Variants in CTNNA3 observed in about 807,000 individuals in gnomAD.
The protein encoded by CTNNA3 is catenin alpha-3.
In CTNNA3, 76 loss-of-function variants were observed where a neutral mutation model predicts 95.7. The ratio of observed to expected loss-of-function variants is 0.79; its 90% CI spans 0.66 to 0.96. CTNNA3 has a LOEUF of 0.96. Among genes scored for constraint, CTNNA3 ranks in the 40% least tolerant of loss-of-function variants. The pLI is 0.00. For synonymous variants in CTNNA3, 431 were observed against 374.4 expected, an observed-to-expected ratio of 1.15 and a Z score of -1.74; for missense variants, 1,191 against 1,089.8, an observed-to-expected ratio of 1.09 and a Z score of -1.31.
Position 66,744,207 on chromosome 10 carries a change from C to A in CTNNA3, c.1281+22057G>T, listed in dbSNP as rs1237292174. Among the ~76,000 whole-genome samples the A allele has an allele frequency of 4.6e-5, 7 of 152,126 alleles. No homozygotes were observed. The East Asian group carries it at 9.7e-4, about 21-fold the overall frequency. On this transcript the variant is annotated intron_variant, in intron 9 of 17. Transcript: ENST00000433211. ...AGGTTTTACAAATAATCTTCATGCACCAAGAACTGATATGATCAATTTGTT... is the reference window on the plus strand; with the variant it reads ...AGGTTTTACAAATAATCTTCATGCAACAAGAACTGATATGATCAATTTGTT...
intron 12 of CTNNA3, among the ~76,000 whole-genome samples, chr10:66,290,268 G>A (rs1373204135): frequency 6.6e-6 from 1 of 151,944 alleles, no homozygotes; most frequent in African/African-American, 2.4e-5. Context: ...GCCAACAGGA[G>A]CCACATAATC....
intron 9 of CTNNA3, among the ~76,000 whole-genome samples, chr10:66,737,314 C>T (rs1429852818): frequency 6.6e-6 from 1 of 152,074 alleles, no homozygotes; most frequent in Non-Finnish European, 1.5e-5. Flanking sequence ...TTAACATTTG[C>T]AAAATATTCC....
intron 1 of CTNNA3, among the ~76,000 whole-genome samples, chr10:67,655,738 T>C (rs2133505763): frequency 6.9e-6 from 1 of 144,886 alleles, no homozygotes; most frequent in East Asian, 2.0e-4. Flanking sequence ...GAGGCTGCAG[T>C]GAGCCAAGAT....
intron 5 of CTNNA3, among the ~76,000 whole-genome samples, chr10:67,498,382 T>C (rs896465410): frequency 1.3e-5 from 2 of 152,220 alleles, no homozygotes; most frequent in African/African-American, 4.8e-5. Context: ...CTTCCAGCTT[T>C]GTTCTTTTTG....
At chr10:67,002,213 T>C (rs1054342697) in intron 7 of CTNNA3, among the ~76,000 whole-genome samples, 1 of 152,132 alleles carries the variant, frequency 6.6e-6, no homozygotes, top group African/African-American at 2.4e-5. Context: ...AATGGGAAGC[T>C]TTTTCAAAAC....
At chr10:65,967,450 A>T (rs532302556) in intron 16 of CTNNA3, among the ~76,000 whole-genome samples, 1 of 152,160 alleles carries the variant, frequency 6.6e-6, no homozygotes, top group Non-Finnish European at 1.5e-5. Flanking sequence ...CTTGAGACTC[A>T]TGGTCTCTAC....
chr10:67,450,917 A>AGATG (rs1846955550), intron 5 of CTNNA3, among the ~76,000 whole-genome samples: 1 of 152,108 alleles, frequency 6.6e-6, no homozygotes, highest in Admixed American at 6.6e-5. Flanking sequence ...ATATATCTAT[A>AGATG]GATGGCCTTT....
chr10:66,351,805 C>A (rs2092569030), intron 12 of CTNNA3, among the ~76,000 whole-genome samples: 2 of 151,812 alleles, frequency 1.3e-5, no homozygotes, highest in Admixed American at 1.3e-4. Flanking sequence ...TTAAAGATCT[C>A]TCATATACAA....
chr10:67,572,518 T>C (rs970287830), intron 3 of CTNNA3, among the ~76,000 whole-genome samples: 1 of 152,154 alleles, frequency 6.6e-6, no homozygotes. Context: ...GCCTGTTGTG[T>C]GCTATATTGG....
chr10:67,303,586 C>T (rs1434662532), intron 5 of CTNNA3, among the ~76,000 whole-genome samples: 1 of 152,112 alleles, frequency 6.6e-6, no homozygotes, highest in Non-Finnish European at 1.5e-5. Context: ...TTGCAATTTC[C>T]ATGGCAAGAA....
intron 7 of CTNNA3, among the ~76,000 whole-genome samples, chr10:67,072,817 G>C (rs114969035): frequency 0.01 from 1,555 of 152,092 alleles, 33 homozygotes; most frequent in African/African-American, 0.035. Context: ...TTTGAGTTTG[G>C]TGTCTCCAGG....
At chr10:66,433,623 A>C (rs9664452) in intron 11 of CTNNA3, among the ~76,000 whole-genome samples, 1 of 151,830 alleles carries the variant, frequency 6.6e-6, no homozygotes, top group African/African-American at 2.4e-5. Context: ...AGTTTCTTTC[A>C]CCGTGCAGAA....
At chr10:66,640,741 C>T (rs572834638) in intron 9 of CTNNA3, among the ~76,000 whole-genome samples, 1 of 152,168 alleles carries the variant, frequency 6.6e-6, no homozygotes, top group South Asian at 2.1e-4. Context: ...AGAATTTTTC[C>T]CCCCACCATT....
At chr10:67,414,171 T>G (rs976292852) in intron 5 of CTNNA3, among the ~76,000 whole-genome samples, 3 of 151,882 alleles carry the variant, frequency 2.0e-5, no homozygotes, top group Non-Finnish European at 4.4e-5. Context: ...AAACTAAGAC[T>G]GGTAGAATCC....
intron 12 of CTNNA3, among the ~76,000 whole-genome samples, chr10:66,373,489 A>G (rs2092769296): frequency 6.6e-6 from 1 of 152,066 alleles, no homozygotes; most frequent in Non-Finnish European, 1.5e-5. Flanking sequence ...AGAGAGGCTG[A>G]GTTGTAATTT....
chr10:67,013,234 T>C (rs1168893257), intron 7 of CTNNA3, among the ~76,000 whole-genome samples: 1 of 151,558 alleles, frequency 6.6e-6, no homozygotes, highest in Admixed American at 6.6e-5. Flanking sequence ...CTGTCCTTAA[T>C]ACTCTATTAA....
intron 13 of CTNNA3, among the ~76,000 whole-genome samples, chr10:66,195,740 A>C (rs2086922394): frequency 6.6e-6 from 1 of 152,226 alleles, no homozygotes; most frequent in Admixed American, 6.5e-5. Flanking sequence ...GAGCATTATC[A>C]ATATCTCCAC....
intron 7 of CTNNA3, among the ~76,000 whole-genome samples, chr10:67,128,893 T>G (rs1589770809): frequency 1.3e-5 from 2 of 152,286 alleles, no homozygotes; most frequent in South Asian, 2.1e-4. Flanking sequence ...CTAGTAAGAT[T>G]TTTTTCCTTT....
At chr10:67,355,961 T>C (rs79514018) in intron 5 of CTNNA3, among the ~76,000 whole-genome samples, 2,582 of 152,096 alleles carry the variant, frequency 0.017, 69 homozygotes, top group African/African-American at 0.059. Context: ...CAAAGTTCTA[T>C]ATCTGTCTCC....
Sources: gnomAD v4.1 joint callset for allele counts (sites outside exome capture counted in the v4.1 genomes callset) on GRCh38, gnomAD v4.1.1 for gene constraint, MANE v1.5 for transcripts, NCBI Gene and HGNC (gene_info 2026-07-23, HGNC 2026-07-21) for gene names.